KDM4C: variants seen among roughly 807,000 people sequenced by gnomAD.
KDM4C encodes lysine-specific demethylase 4C.
KDM4C carries 81 observed loss-of-function variants against 129.3 expected under a neutral mutation model. The ratio of observed to expected loss-of-function variants is 0.63; its 90% confidence interval spans 0.52 to 0.75. The LOEUF (loss-of-function observed/expected upper bound fraction) is 0.75. KDM4C is among the 30% of genes least tolerant of loss of function. The pLI, the probability that KDM4C is intolerant of heterozygous loss-of-function variation, is 0.00. For synonymous variants in KDM4C, 573 were observed against 456.1 expected, an observed-to-expected ratio of 1.26 and a Z score of -3.26; for missense variants, 1,457 against 1,304.0, an observed-to-expected ratio of 1.12 and a Z score of -1.81.
chr9:6,943,421 A>G (rs1407500238), intron 8 of KDM4C, among the ~76,000 whole-genome samples: 2 of 152,208 alleles, frequency 1.3e-5, no homozygotes, highest in Admixed American at 1.3e-4. Context: ...AAATTGCACA[A>G]ATAAGGGCCA....
intron 5 of KDM4C, among the ~76,000 whole-genome samples, chr9:6,849,909 C>T (rs1330777493): frequency 6.6e-6 from 1 of 152,170 alleles, no homozygotes; most frequent in Non-Finnish European, 1.5e-5. Context: ...TACAGTCATG[C>T]ACTGTATAAC....
At chr9:6,861,974 G>A (rs367924388) in intron 5 of KDM4C, among the ~76,000 whole-genome samples, 9 of 151,944 alleles carry the variant, frequency 5.9e-5, no homozygotes, top group African/African-American at 1.5e-4. Flanking sequence ...GTTTTGCCGC[G>A]TTGGCCAGGC....
At chr9:7,124,009 C>T (rs767461956) in intron 18 of KDM4C, among the ~76,000 whole-genome samples, 1 of 152,158 alleles carries the variant, frequency 6.6e-6, no homozygotes, top group Non-Finnish European at 1.5e-5. Context: ...CTAGATGAAG[C>T]CGGTTAGGAT....
chr9:6,729,283 G>T (rs1391629598), intron 1 of KDM4C, among the ~76,000 whole-genome samples: 1 of 129,422 alleles, frequency 7.7e-6, no homozygotes, highest in African/African-American at 3.4e-5. Flanking sequence ...GCTTATGCCT[G>T]CAATCCCAGT....
chr9:7,024,071 A>T (rs1471361899), intron 15 of KDM4C, among the ~76,000 whole-genome samples: 1 of 152,212 alleles, frequency 6.6e-6, no homozygotes, highest in Admixed American at 6.5e-5. Context: ...TTTGAGAATG[A>T]TCTGTGTGCA....
chr9:6,926,478 G>C (rs1822582336), intron 8 of KDM4C, among the ~76,000 whole-genome samples: 1 of 151,532 alleles, frequency 6.6e-6, no homozygotes, highest in Non-Finnish European at 1.5e-5. Flanking sequence ...GTTTCTTTTT[G>C]CATAATTAAA....
intron 15 of KDM4C, among the ~76,000 whole-genome samples, chr9:7,024,732 A>T (rs983345685): frequency 6.6e-6 from 1 of 152,168 alleles, no homozygotes; most frequent in African/African-American, 2.4e-5. Flanking sequence ...CCAGTCTACC[A>T]TTGTTGGACA....
At chr9:6,907,151 T>A (rs1437820048) in intron 8 of KDM4C, among the ~76,000 whole-genome samples, 1 of 152,240 alleles carries the variant, frequency 6.6e-6, no homozygotes, top group Non-Finnish European at 1.5e-5. Flanking sequence ...ATTGATGTGA[T>A]AATGATCTTC....
intron 17 of KDM4C, among the ~76,000 whole-genome samples, chr9:7,054,997 T>G (rs1288951355): frequency 6.6e-6 from 1 of 152,056 alleles, no homozygotes; most frequent in Non-Finnish European, 1.5e-5. Flanking sequence ...GCCAACATGG[T>G]GAAACCCCAT....
intron 2 of KDM4C, among the ~76,000 whole-genome samples, chr9:6,801,559 A>T (rs1467002695): frequency 2.0e-5 from 3 of 151,522 alleles, no homozygotes; most frequent in Non-Finnish European, 4.4e-5. Context: ...TTAAAAAAAA[A>T]AGATTGGAGG....
intron 17 of KDM4C, among the ~76,000 whole-genome samples, chr9:7,097,881 G>T (rs754489369): frequency 6.6e-6 from 1 of 152,314 alleles, no homozygotes; most frequent in Middle Eastern, 3.4e-3. Context: ...TATTGAAATG[G>T]GTGAAAGAAT....
chr9:6,864,337 G>A (rs1403314542), intron 5 of KDM4C, among the ~76,000 whole-genome samples: 1 of 152,164 alleles, frequency 6.6e-6, no homozygotes, highest in Non-Finnish European at 1.5e-5. Flanking sequence ...CTACTTCTTG[G>A]CCTATATGAT....
intron 8 of KDM4C, among the ~76,000 whole-genome samples, chr9:6,929,885 C>T (rs1475373579): frequency 6.6e-6 from 1 of 152,138 alleles, no homozygotes; most frequent in Non-Finnish European, 1.5e-5. Context: ...TTTCTACAAC[C>T]CTCTGCCAAT....
At chr9:6,947,226 C>T (rs1827132711) in intron 8 of KDM4C, among the ~76,000 whole-genome samples, 1 of 152,088 alleles carries the variant, frequency 6.6e-6, no homozygotes, top group South Asian at 2.1e-4. Context: ...ATTTTTTGTA[C>T]TCTAAATAGC....
At chr9:6,954,727 A>C (rs182577132) in intron 8 of KDM4C, among the ~76,000 whole-genome samples, 55 of 152,328 alleles carry the variant, frequency 3.6e-4, no homozygotes, top group African/African-American at 1.3e-3. Flanking sequence ...ACCTAGCCCA[A>C]CAATGGAGAG....
chr9:7,161,938 T>C (rs1294338747), intron 19 of KDM4C, among the ~76,000 whole-genome samples: 1 of 152,258 alleles, frequency 6.6e-6, no homozygotes, highest in Non-Finnish European at 1.5e-5. Flanking sequence ...ATTGACACTA[T>C]TTCTTTATGG....
At chr9:6,923,737 T>C (rs1215137738) in intron 8 of KDM4C, among the ~76,000 whole-genome samples, 1 of 152,252 alleles carries the variant, frequency 6.6e-6, no homozygotes, top group Non-Finnish European at 1.5e-5. Flanking sequence ...TATCTTGTTT[T>C]GTATGTATGT....
intron 8 of KDM4C, chr9:6,947,921 G>C (rs1373327401): frequency 6.6e-6 from 1 of 151,716 alleles, no homozygotes; most frequent in African/African-American, 2.4e-5. Flanking sequence ...TTTTTGTCTG[G>C]GTTTTCATTT....
At chr9:6,729,204 C>CAAAAAAAAAAAAAAAAAAAAAAAA (rs1186478804) in intron 1 of KDM4C, among the ~76,000 whole-genome samples, 3 of 32,102 alleles carry the variant, frequency 9.3e-5, no homozygotes, top group Non-Finnish European at 1.4e-4. Flanking sequence ...GCTCCGTCTC[C>CAAAAAAAAAAAAAAAAAAAAAAAA]AAAAAAAAAA....
Sources: gnomAD v4.1 joint callset for allele counts (sites outside exome capture counted in the v4.1 genomes callset) on GRCh38, gnomAD v4.1.1 for gene constraint, MANE v1.5 for transcripts, NCBI Gene and HGNC (gene_info 2026-07-23, HGNC 2026-07-21) for gene names.